The following PLCE1 variants were observed in gnomAD, a reference collection of about 807,000 sequenced individuals.
The protein encoded by PLCE1 is 1-phosphatidylinositol 4,5-bisphosphate phosphodiesterase epsilon-1.
PLCE1 carries 119 observed loss-of-function variants against 242.8 expected under a neutral mutation model. The ratio of observed to expected loss-of-function variants is 0.49; its 90% CI spans 0.42 to 0.57. The LOEUF (loss-of-function observed/expected upper bound fraction) is 0.57, where lower values mean the gene tolerates loss of function less well. Ranked by LOEUF, PLCE1 falls within the 20% of genes least tolerant of loss-of-function variation. PLCE1 has a pLI of 0.00. For missense variants in PLCE1, 2,441 were observed against 2,788.8 expected (o/e 0.88, Z 2.81); for synonymous variants, 945 against 1,017.4 (o/e 0.93, Z 1.35).
At chr10:94,026,043 A>G (rs1589873612) in intron 1 of PLCE1, among the ~76,000 whole-genome samples, 1 of 152,304 alleles carries the variant, frequency 6.6e-6, no homozygotes, top group Non-Finnish European at 1.5e-5. Flanking sequence ...TTTCATTTAC[A>G]AAAACAGATG....
chr10:94,020,255 T>G (rs2061353196), intron 1 of PLCE1, among the ~76,000 whole-genome samples: 1 of 152,192 alleles, frequency 6.6e-6, no homozygotes, highest in African/African-American at 2.4e-5. Flanking sequence ...TGACTAATGA[T>G]GTTGAATATC....
intron 20 of PLCE1, among the ~76,000 whole-genome samples, chr10:94,282,852 G>A (rs1421228346): frequency 6.6e-6 from 1 of 152,032 alleles, no homozygotes; most frequent in East Asian, 1.9e-4. Context: ...ATTTGAACGG[G>A]GCATTTTAAC....
chr10:94,154,170 A>C (rs1378114483), intron 3 of PLCE1, among the ~76,000 whole-genome samples: 3 of 152,326 alleles, frequency 2.0e-5, no homozygotes, highest in East Asian at 3.9e-4. Context: ...AAACCCTAAC[A>C]TATATGGTCA....
intron 27 of PLCE1, among the ~76,000 whole-genome samples, chr10:94,309,879 A>C (rs952171735): frequency 6.6e-6 from 1 of 152,024 alleles, no homozygotes; most frequent in Admixed American, 6.5e-5. Flanking sequence ...AACGTGTTTT[A>C]ATTGAGCATA....
At chr10:94,010,687 T>C (rs1020268023) in intron 1 of PLCE1, among the ~76,000 whole-genome samples, 2 of 152,204 alleles carry the variant, frequency 1.3e-5, no homozygotes, top group African/African-American at 2.4e-5. Context: ...TTCTGCCAAA[T>C]ACCCCAAGTC....
At chr10:94,105,790 G>A (rs2045707537) in intron 2 of PLCE1, 1 of 152,112 alleles carries the variant, frequency 6.6e-6, no homozygotes. Flanking sequence ...TTCCCATTTT[G>A]CTCGCTTCCT....
Position 94,039,278 on chromosome 10 carries a change from A to G in PLCE1, c.1206+7026A>G, listed in dbSNP as rs574526743. Reference sequence around the variant, plus strand: ...AGGATTGGAATTGCTGGGTCACATGATAACTCTGTTTAATCTTTTCAGGAA... The same window carrying G: ...AGGATTGGAATTGCTGGGTCACATGGTAACTCTGTTTAATCTTTTCAGGAA... On this transcript the variant is annotated intron_variant, in intron 2 of 32. Transcript: ENST00000371380. Among the ~76,000 whole-genome samples, 27 of 152,266 alleles carry G rather than the reference A, an allele frequency of 1.8e-4. 1 individual carries two copies. In the South Asian group the frequency reaches 5.4e-3, roughly 30 times the overall value.
At chr10:94,059,282 G>A (rs1214043128) in intron 2 of PLCE1, among the ~76,000 whole-genome samples, 1 of 152,186 alleles carries the variant, frequency 6.6e-6, no homozygotes, top group Admixed American at 6.5e-5. Context: ...GATCAGAAGA[G>A]AGAATTGCCA....
intron 4 of PLCE1, among the ~76,000 whole-genome samples, chr10:94,210,780 A>T (rs2049306692): frequency 6.6e-6 from 1 of 152,174 alleles, no homozygotes; most frequent in Admixed American, 6.5e-5. Flanking sequence ...TCTAGGAAGC[A>T]GAGGAAGTTT....
chr10:94,259,339 A>G (rs932756842), intron 13 of PLCE1, among the ~76,000 whole-genome samples, 189 bp downstream of exon 13: 1 of 150,738 alleles, frequency 6.6e-6, no homozygotes, highest in Non-Finnish European at 1.5e-5. Flanking sequence ...GCTGGAGTGC[A>G]GTGGTGCAAT....
chr10:94,175,622 T>C (rs930065204), intron 4 of PLCE1, among the ~76,000 whole-genome samples: 25 of 152,316 alleles, frequency 1.6e-4, no homozygotes, highest in African/African-American at 5.3e-4. Context: ...TATTATTGAC[T>C]ATATCACTCT....
At chr10:94,143,103 T>C (rs1197994009) in intron 3 of PLCE1, among the ~76,000 whole-genome samples, 7 of 152,216 alleles carry the variant, frequency 4.6e-5, no homozygotes, top group African/African-American at 7.2e-5. Flanking sequence ...ACCATCTTCA[T>C]TGACATCTGA....
At chr10:94,325,392 TCAAGAC>T (rs2053972492) in intron 32 of PLCE1, 1 of 343,794 alleles carries the variant, frequency 2.9e-6, no homozygotes, top group African/African-American at 2.1e-5. Context: ...TGAGGTCAGT[TCAAGAC>T]CAGCCTGACC....
At chr10:94,113,651 G>A (rs151295056) in intron 2 of PLCE1, among the ~76,000 whole-genome samples, 104 of 152,322 alleles carry the variant, frequency 6.8e-4, no homozygotes, top group South Asian at 1.0e-3. Flanking sequence ...GCACAGAGAA[G>A]TAACTGCCCT....
chr10:94,074,414 AG>A (rs1238262879), intron 2 of PLCE1, among the ~76,000 whole-genome samples: 2 of 152,046 alleles, frequency 1.3e-5, no homozygotes, highest in African/African-American at 2.4e-5. Flanking sequence ...TATGTTGCCC[AG>A]GCTGGTCTCA....
intron 7 of PLCE1, among the ~76,000 whole-genome samples, chr10:94,241,516 G>A (rs2050501017): frequency 6.6e-6 from 1 of 152,202 alleles, no homozygotes. Flanking sequence ...CCTTGGCCGG[G>A]CATGGTGGCT....
In PLCE1 at chr10:94,236,003, A is replaced by C. The variant is rs760881877; in HGVS notation, c.2303A>C (p.Asn768Thr). The change falls in exon 7 of 33, where the codon AAC (asparagine) becomes ACC (threonine). Residue 768 changes from asparagine (N) to threonine (T), a missense_variant. This residue lies in a region of PLCE1 where 733 missense variants were observed against 754.2 expected (regional missense o/e 0.97). Transcript: ENST00000371380. Reference sequence around the variant, plus strand: ...AATTCGGAGAAGGAGTCCACTGTCAACAGCATCTTTCAGGTCATCCGGAGC... The same window carrying C: ...AATTCGGAGAAGGAGTCCACTGTCACCAGCATCTTTCAGGTCATCCGGAGC... ...LKNSEKESTV[N>T]SIFQVIRSCN... 2.4e-5 allele frequency: 38 copies of C among 1,613,964 alleles called. No individual in the cohort carries two copies. The highest frequency in any genetic ancestry group is 2.5e-5 in the Non-Finnish European group (29 of 1,179,946).
At chr10:94,305,290 C>T (rs955179303) in intron 25 of PLCE1, among the ~76,000 whole-genome samples, 8 of 152,144 alleles carry the variant, frequency 5.3e-5, no homozygotes, top group Non-Finnish European at 1.2e-4. Flanking sequence ...AAAAAATTAG[C>T]TGGGCATGGT....
At chr10:94,149,692 C>G (rs911560699) in intron 3 of PLCE1, among the ~76,000 whole-genome samples, 5 of 152,166 alleles carry the variant, frequency 3.3e-5, no homozygotes, top group African/African-American at 9.7e-5. Flanking sequence ...CATTCAGTTT[C>G]AAGGTCAACT....
Sources: allele counts gnomAD v4.1 joint callset (sites outside exome capture counted in the v4.1 genomes callset), GRCh38; gene constraint gnomAD v4.1.1; regional missense constraint gnomAD v4.1.1; transcripts MANE v1.5; gene names NCBI Gene and HGNC (gene_info 2026-07-23, HGNC 2026-07-21).